The following ATAD2B variants were observed in gnomAD, a reference collection of about 807,000 sequenced individuals.
ATAD2B encodes ATPase family AAA domain containing 2B, also known as ATPase family AAA domain-containing protein 2B.
Under a neutral mutation model 167.6 loss-of-function variants are expected in ATAD2B, and 40 were observed. The ratio of observed to expected loss-of-function variants is 0.24; its 90% CI spans 0.19 to 0.31. ATAD2B has a LOEUF of 0.31. Ranked by LOEUF, ATAD2B falls within the 10% of genes least tolerant of loss-of-function variation. The probability of loss-of-function intolerance (pLI) is 1.00; values close to 1 mark genes in which losing one functional copy is unlikely to be tolerated. For missense variants in ATAD2B, 1,242 were observed against 1,757.2 expected (o/e 0.71, Z 5.24); for synonymous variants, 579 against 596.5 (o/e 0.97, Z 0.43).
intron 13 of ATAD2B, among the ~76,000 whole-genome samples, chr2:23,837,169 AG>A (rs764355954): frequency 6.6e-5 from 10 of 152,196 alleles, no homozygotes; most frequent in South Asian, 2.1e-4. Context: ...CTGTGGCAGC[AG>A]GGGGTTGGCA....
At chr2:23,793,662 T>A (rs1339641911) in intron 19 of ATAD2B, among the ~76,000 whole-genome samples, 1 of 152,238 alleles carries the variant, frequency 6.6e-6, no homozygotes, top group Non-Finnish European at 1.5e-5. Flanking sequence ...GTTACTTAAA[T>A]CCTACGTGAT....
the ATAD2B span, among the ~76,000 whole-genome samples, chr2:23,694,531 C>T: frequency 1.3e-5 from 2 of 152,316 alleles, no homozygotes; most frequent in African/African-American, 4.8e-5. Context: ...TCAGTTGCCT[C>T]GTCGACTCCA....
At chr2:23,834,243 T>C (rs1204848398) in intron 13 of ATAD2B, among the ~76,000 whole-genome samples, 165 bp from the exon 14 acceptor site, 1 of 126,074 alleles carries the variant, frequency 7.9e-6, no homozygotes, top group Non-Finnish European at 1.6e-5. Flanking sequence ...CTCACTGCAA[T>C]CTCCGCCTCC....
At chr2:23,688,613 G>A in the ATAD2B span, among the ~76,000 whole-genome samples, 1 of 150,962 alleles carries the variant, frequency 6.6e-6, no homozygotes, top group African/African-American at 2.4e-5. Flanking sequence ...ACGCCCAGAA[G>A]TAGGTGACTC....
chr2:23,900,369 A>T (rs540149805), intron 1 of ATAD2B, among the ~76,000 whole-genome samples: 1 of 152,258 alleles, frequency 6.6e-6, no homozygotes, highest in East Asian at 1.9e-4. Context: ...GCCCAGCTTT[A>T]GTTTTCTTTA....
chr2:23,761,255 G>A (rs996059710), intron 24 of ATAD2B, among the ~76,000 whole-genome samples: 2 of 152,214 alleles, frequency 1.3e-5, no homozygotes, highest in African/African-American at 4.8e-5. Flanking sequence ...AAGGGGACAA[G>A]CTTTAAAAAG....
At position 23,751,844 on chromosome 2, in the gene ATAD2B, G is replaced by C. The variant is rs1460276606; in HGVS notation, c.*202C>G. The C allele has an allele frequency of 1.1e-5, 6 of 554,772 alleles. No individual in the cohort carries two copies. In the East Asian group the frequency reaches 1.9e-4, roughly 18 times the overall value. 34.4% of individuals were successfully genotyped at this position (554,772 alleles called of 1,614,324 possible). On this transcript the variant is annotated 3_prime_UTR_variant, in exon 28 of 28. Transcript: ENST00000238789. Reference sequence around the variant, plus strand: ...TTTGTGGAAAATACAACATGTTTCTGAAGTTCTGTTTGGTTCTTGTAGGCT... The same window carrying C: ...TTTGTGGAAAATACAACATGTTTCTCAAGTTCTGTTTGGTTCTTGTAGGCT...
At chr2:23,839,199 A>G (rs1445415558) in intron 13 of ATAD2B, among the ~76,000 whole-genome samples, 1 of 152,136 alleles carries the variant, frequency 6.6e-6, no homozygotes, top group African/African-American at 2.4e-5. Flanking sequence ...TGATAAGAGT[A>G]CTGTTTTTTC....
chr2:23,903,012 ATTGT>A (rs1701014095), intron 1 of ATAD2B, among the ~76,000 whole-genome samples: 1 of 152,140 alleles, frequency 6.6e-6, no homozygotes, highest in Non-Finnish European at 1.5e-5. Context: ...AGGTGGGCAG[ATTGT>A]TTGAGCTCAG....
chr2:23,823,198 ATATT>A (rs1687732062), intron 16 of ATAD2B, 56 bp downstream of exon 16: 1 of 1,302,630 alleles, frequency 7.7e-7, no homozygotes, highest in Non-Finnish European at 1.1e-6. Context: ...TGAGGAAACT[ATATT>A]TATTTATTCC....
chr2:23,770,175 G>C (rs1374661635), intron 22 of ATAD2B, among the ~76,000 whole-genome samples: 1 of 151,726 alleles, frequency 6.6e-6, no homozygotes, highest in Admixed American at 6.6e-5. Flanking sequence ...AAATAGCTGG[G>C]CATGGTGGTG....
the ATAD2B span, among the ~76,000 whole-genome samples, chr2:23,734,283 A>G: frequency 1.3e-5 from 2 of 152,076 alleles, no homozygotes; most frequent in African/African-American, 2.4e-5. Flanking sequence ...CAGTCTCCCG[A>G]GTAGCTGGGA....
chr2:23,741,643 G>A, the ATAD2B span, among the ~76,000 whole-genome samples: 1 of 152,172 alleles, frequency 6.6e-6, no homozygotes, highest in Non-Finnish European at 1.5e-5. Flanking sequence ...ATAGGCATGG[G>A]CAAGGACGTC....
chr2:23,693,550 G>T, the ATAD2B span: 1 of 1,537,222 alleles, frequency 6.5e-7, no homozygotes, highest in South Asian at 1.2e-5. Flanking sequence ...CCTGTCCCCC[G>T]CCCCTTCTCT....
At chr2:23,746,628 A>G (rs145217439), downstream of ATAD2B, among the ~76,000 whole-genome samples, 2 of 152,302 alleles carry the variant, frequency 1.3e-5, no homozygotes, top group East Asian at 3.9e-4. Context: ...AGGAATGGAG[A>G]AAGGGTGATA....
chr2:23,926,558 G>C lies in ATAD2B; in HGVS notation c.213C>G (p.Ala71=), dbSNP rs1174115809. 1 of 1,550,002 alleles carries C rather than the reference G, an allele frequency of 6.5e-7. No homozygotes were observed. The highest frequency in any genetic ancestry group is 2.4e-5 in the East Asian group (1 of 41,282). ...ACTCGGGACGCCGCGCTCTTACCCTGGCCTCATCCAGAGTGACGCCGGCGC... is the reference window on the plus strand; with the variant it reads ...ACTCGGGACGCCGCGCTCTTACCCTCGCCTCATCCAGAGTGACGCCGGCGC... The part of the protein sequence containing the change: ...SGGAGVTLDE[A]RKVEVDGSLS... Residue 71 remains alanine, a synonymous_variant, in exon 1 of 28, where the codon GCC becomes GCG. Coordinates refer to ENST00000238789, the MANE Select transcript of ATAD2B (RefSeq NM_017552.4).
intron 12 of ATAD2B, 109 bp downstream of exon 12, chr2:23,863,272 G>C (rs1694689326): frequency 6.7e-6 from 7 of 1,050,646 alleles, no homozygotes; most frequent in African/African-American, 3.2e-5. Context: ...TCACGCTATT[G>C]CACTCACTCC....
At chr2:23,880,569 A>C (rs964693676) in intron 7 of ATAD2B, 70 bp downstream of exon 7, 24 of 894,272 alleles carry the variant, frequency 2.7e-5, no homozygotes, top group Non-Finnish European at 3.8e-5. Context: ...TCTCAAAAAA[A>C]AAAAAAAGCA....
chr2:23,832,602 T>G (rs1464411943), intron 14 of ATAD2B: 1 of 161,838 alleles, frequency 6.2e-6, no homozygotes, highest in Non-Finnish European at 1.3e-5. Context: ...AATGCCAAAA[T>G]AGAACGTTTC....
Sources: gnomAD v4.1 joint callset for allele counts (sites outside exome capture counted in the v4.1 genomes callset) on GRCh38, gnomAD v4.1.1 for gene constraint, MANE v1.5 for transcripts, NCBI Gene and HGNC (gene_info 2026-07-23, HGNC 2026-07-21) for gene names.